DARS1: variants seen among roughly 807,000 people sequenced by gnomAD.
The protein encoded by DARS1 is aspartate--tRNA ligase, cytoplasmic.
In DARS1, 51 loss-of-function variants were observed where a neutral mutation model predicts 68.8. The observed-to-expected ratio is 0.74, with a 90% CI of 0.59 to 0.94. DARS1 has a LOEUF of 0.94. DARS1 is among the 40% of genes least tolerant of loss of function. The pLI is 0.00. For missense variants in DARS1, 607 were observed against 597.3 expected (o/e 1.02, Z -0.17); for synonymous variants, 203 against 190.4 (o/e 1.07, Z -0.55).
Position 135,933,868 on chromosome 2 carries a change from A to G in DARS1, c.504+42T>C, listed in dbSNP as rs760019611. On this transcript the variant is annotated intron_variant, in intron 6 of 15. Transcript: ENST00000264161. Reference sequence around the variant, plus strand: ...AGGTTTTCAATGTTTTGCAAACTAAATATACAGCGGAAGCATAATATTTCA... The same window carrying G: ...AGGTTTTCAATGTTTTGCAAACTAAGTATACAGCGGAAGCATAATATTTCA... 8 of 1,587,162 alleles carry G rather than the reference A, an allele frequency of 5.0e-6. No homozygotes were observed. In the Admixed American group the frequency reaches 5.3e-5, roughly 10 times the overall value.
At chr2:135,964,840 CA>C (rs372676148) in intron 3 of DARS1, among the ~76,000 whole-genome samples, 1,159 of 49,626 alleles carry the variant, frequency 0.023, 6 homozygotes, top group African/African-American at 0.065. Context: ...GACTCCACCT[CA>C]AAAAAAAAAA....
At chr2:135,983,600 G>A in intron 1 of DARS1, 146 bp from the exon 2 acceptor site, 1 of 534,748 alleles carries the variant, frequency 1.9e-6, no homozygotes, top group Non-Finnish European at 3.3e-6. Flanking sequence ...TTCATAATGT[G>A]GAAATCTCTC....
chr2:135,938,748 G>C (rs1681527543), intron 5 of DARS1, among the ~76,000 whole-genome samples: 1 of 152,134 alleles, frequency 6.6e-6, no homozygotes, highest in Non-Finnish European at 1.5e-5. Context: ...CCATCAGTGT[G>C]CTGTATTCAG....
chr2:135,912,042 G>A (rs1680906195), intron 13 of DARS1, among the ~76,000 whole-genome samples: 1 of 152,084 alleles, frequency 6.6e-6, no homozygotes, highest in South Asian at 2.1e-4. Context: ...GTTTTAAAAA[G>A]CCCTCCAGGT....
intron 3 of DARS1, among the ~76,000 whole-genome samples, chr2:135,971,300 CA>C (rs1223848183): frequency 1.3e-5 from 2 of 152,196 alleles, no homozygotes; most frequent in South Asian, 2.1e-4. Context: ...ACAAATCAAT[CA>C]ATGTAATACA....
At chr2:135,950,047 G>C (rs1467484626) in intron 4 of DARS1, among the ~76,000 whole-genome samples, 1 of 152,144 alleles carries the variant, frequency 6.6e-6, no homozygotes, top group Non-Finnish European at 1.5e-5. Flanking sequence ...TATCTGATTT[G>C]ATATTTTTAA....
At chr2:135,941,147 T>C (rs1344949184) in intron 5 of DARS1, among the ~76,000 whole-genome samples, 3 of 152,116 alleles carry the variant, frequency 2.0e-5, no homozygotes, top group Admixed American at 6.5e-5. Context: ...CTTCACAGAA[T>C]TGGAAAAAAC....
intron 4 of DARS1, among the ~76,000 whole-genome samples, chr2:135,955,165 T>C (rs1384371631): frequency 6.8e-6 from 1 of 147,920 alleles, no homozygotes; most frequent in African/African-American, 2.5e-5. Context: ...AAAAAGTCAA[T>C]AATGGTGAAA....
intron 3 of DARS1, among the ~76,000 whole-genome samples, chr2:135,971,355 A>T (rs1205277884): frequency 3.3e-5 from 5 of 152,210 alleles, no homozygotes; most frequent in Non-Finnish European, 7.4e-5. Flanking sequence ...GATCATTTCC[A>T]ACTGATGCTA....
At chr2:135,913,742 G>C (rs1006646982) in intron 12 of DARS1, among the ~76,000 whole-genome samples, 2 of 150,552 alleles carry the variant, frequency 1.3e-5, no homozygotes, top group African/African-American at 4.9e-5. Context: ...TGGGCAACAA[G>C]AGCGAAACTC....
intron 3 of DARS1, among the ~76,000 whole-genome samples, chr2:135,969,851 A>ATT (rs1682326853): frequency 6.6e-6 from 1 of 152,128 alleles, no homozygotes; most frequent in Admixed American, 6.5e-5. Flanking sequence ...TGGTCACAAT[A>ATT]TTTTTGCCAA....
At chr2:135,920,372 T>C (rs1055691398) in intron 10 of DARS1, 81 bp downstream of exon 10, 11 of 1,491,910 alleles carry the variant, frequency 7.4e-6, no homozygotes, top group Admixed American at 7.2e-5. Flanking sequence ...TAAGTTTGTA[T>C]GTTTAAATTG....
chr2:135,976,588 G>C (rs557703980), intron 3 of DARS1, among the ~76,000 whole-genome samples: 1 of 151,854 alleles, frequency 6.6e-6, no homozygotes, highest in African/African-American at 2.4e-5. Context: ...TCAATTAAGA[G>C]ACTAAAATAA....
chr2:135,984,820 C>A (rs912925602), intron 1 of DARS1, among the ~76,000 whole-genome samples: 2 of 152,022 alleles, frequency 1.3e-5, no homozygotes, highest in African/African-American at 4.8e-5. Flanking sequence ...TATGAATTAT[C>A]CACGTGATTT....
intron 7 of DARS1, among the ~76,000 whole-genome samples, chr2:135,926,001 C>A (rs1015192959): frequency 1.3e-5 from 2 of 152,160 alleles, no homozygotes; most frequent in Admixed American, 6.5e-5. Context: ...AGTGATTCTC[C>A]TGCCTCAGCT....
At chr2:135,926,182 C>T (rs1207210729) in intron 7 of DARS1, among the ~76,000 whole-genome samples, 4 of 152,288 alleles carry the variant, frequency 2.6e-5, no homozygotes, top group Non-Finnish European at 4.4e-5. Flanking sequence ...TGAGCCACGA[C>T]GCCTGGCCTA....
chr2:135,955,673 CTTT>C (rs75123258), intron 4 of DARS1, among the ~76,000 whole-genome samples: 12 of 61,330 alleles, frequency 2.0e-4, no homozygotes, highest in Non-Finnish European at 2.6e-4. Flanking sequence ...AAATAAAAAT[CTTT>C]TTTTTTTTTT....
At chr2:135,936,035 T>C (rs1558785380) in intron 5 of DARS1, among the ~76,000 whole-genome samples, 1 of 152,218 alleles carries the variant, frequency 6.6e-6, no homozygotes, top group African/African-American at 2.4e-5. Context: ...GAGCTGCTAC[T>C]TCTACTTTTA....
At chr2:135,930,679 T>A (rs2104808391) in intron 7 of DARS1, among the ~76,000 whole-genome samples, 1 of 152,324 alleles carries the variant, frequency 6.6e-6, no homozygotes, top group East Asian at 1.9e-4. Flanking sequence ...AGAAATAGAC[T>A]AATTTTGAAC....
Sources: gnomAD v4.1 joint callset for allele counts (sites outside exome capture counted in the v4.1 genomes callset) on GRCh38, gnomAD v4.1.1 for gene constraint, MANE v1.5 for transcripts, NCBI Gene and HGNC (gene_info 2026-07-23, HGNC 2026-07-21) for gene names.